The following OCA2 variants were observed in gnomAD, a reference collection of about 807,000 sequenced individuals.
The protein encoded by OCA2 is P protein.
In OCA2, 77 loss-of-function variants were observed where a neutral mutation model predicts 100.2. The ratio of observed to expected loss-of-function variants is 0.77; its 90% CI spans 0.64 to 0.93. The LOEUF (loss-of-function observed/expected upper bound fraction) is 0.93, where lower values mean the gene tolerates loss of function less well. Among genes scored for constraint, OCA2 ranks in the 40% least tolerant of loss-of-function variants. The probability of loss-of-function intolerance (pLI) is 0.00; values close to 1 mark genes in which losing one functional copy is unlikely to be tolerated. For missense variants in OCA2, 1,062 were observed against 1,089.1 expected, an observed-to-expected ratio of 0.98 and a Z score of 0.35; for synonymous variants, 432 against 439.2, an observed-to-expected ratio of 0.98 and a Z score of 0.21.
chr15:27,933,554 C>T (rs1038889917), intron 18 of OCA2, among the ~76,000 whole-genome samples: 2 of 152,036 alleles, frequency 1.3e-5, no homozygotes, highest in African/African-American at 2.4e-5. Flanking sequence ...GAGCTGAGTT[C>T]GAAAAGAGAG....
chr15:27,755,117 C>T lies in OCA2; in HGVS notation c.*271G>A, dbSNP rs151210258. On this transcript the variant is annotated 3_prime_UTR_variant, in exon 24 of 24. Coordinates refer to ENST00000354638, the MANE Select transcript of OCA2 (RefSeq NM_000275.3). The stretch of plus-strand genomic sequence containing the variant: ...ATAGCAGGAAGGGTTTTTAAACATA[C>T]GTATTTTTCTGGAGGGGAATCTTGA... 6.6e-4 allele frequency: 284 copies of T among 427,592 alleles called. 1 individual carries two copies. The East Asian group carries it at 0.012, about 19-fold the overall frequency. The allele number at this position is 427,592 out of a possible 1,614,324, so 26.5% of individuals were successfully genotyped here. A position where few individuals can be genotyped will look rare whatever the true frequency, so the allele number is the denominator to read the frequency against.
chr15:27,786,082 G>A (rs569538375), intron 23 of OCA2, among the ~76,000 whole-genome samples: 2 of 152,250 alleles, frequency 1.3e-5, no homozygotes, highest in African/African-American at 2.4e-5. Flanking sequence ...CTTCATGTAT[G>A]TTGAAATCCA....
In OCA2 at chr15:27,755,055, C is replaced by T. The variant is rs536434378; in HGVS notation, c.*333G>A. On this transcript the variant is annotated 3_prime_UTR_variant, in exon 24 of 24. Transcript: ENST00000354638. ...CAGGAGAATTGACAGTTAAACAGTA[C>T]AGTCAATTTTAGGTGGATGTGTGTC... is the stretch of plus-strand genomic sequence containing the variant. 63 of 339,410 alleles carry T rather than the reference C, an allele frequency of 1.9e-4. No individual in the cohort carries two copies. Among genetic ancestry groups the T allele is most frequent in the South Asian group, 1.6e-3 (63 of 38,324 alleles). 21.0% of individuals were successfully genotyped at this position (339,410 alleles called of 1,614,324 possible).
intron 21 of OCA2, among the ~76,000 whole-genome samples, chr15:27,870,033 T>C (rs1219249651): frequency 6.6e-6 from 1 of 152,174 alleles, no homozygotes; most frequent in Non-Finnish European, 1.5e-5. Flanking sequence ...AGGGCCAACC[T>C]AGGCAGAAAC....
intron 11 of OCA2, among the ~76,000 whole-genome samples, chr15:27,989,339 TAACTC>T (rs972875110): frequency 2.0e-5 from 3 of 152,252 alleles, no homozygotes; most frequent in Admixed American, 6.5e-5. Context: ...TTAACGGAAA[TAACTC>T]AAAAGAATTG....
intron 2 of OCA2, among the ~76,000 whole-genome samples, chr15:28,056,612 G>T (rs1459152656): frequency 6.6e-6 from 1 of 152,238 alleles, no homozygotes; most frequent in Non-Finnish European, 1.5e-5. Flanking sequence ...AAACTGAGTC[G>T]TTAGGAAAGC....
At chr15:28,011,094 G>A (rs2042227118) in intron 9 of OCA2, among the ~76,000 whole-genome samples, 1 of 152,180 alleles carries the variant, frequency 6.6e-6, no homozygotes, top group East Asian at 1.9e-4. Flanking sequence ...TAGTCTTGTC[G>A]ATAAATGATG....
chr15:27,834,061 C>T (rs1413212934), intron 23 of OCA2, among the ~76,000 whole-genome samples: 2 of 152,092 alleles, frequency 1.3e-5, no homozygotes, highest in African/African-American at 2.4e-5. Flanking sequence ...CTCTTGGGGG[C>T]CCTAGATGGC....
At chr15:27,968,009 G>A (rs2040634486) in intron 14 of OCA2, among the ~76,000 whole-genome samples, 1 of 151,956 alleles carries the variant, frequency 6.6e-6, no homozygotes, top group South Asian at 2.1e-4. Flanking sequence ...TTTCACTGGC[G>A]TCCTGGAATA....
chr15:27,926,105 G>A, intron 19 of OCA2, 22 bp downstream of exon 19: 1 of 1,613,742 alleles, frequency 6.2e-7, no homozygotes, highest in Non-Finnish European at 8.5e-7. Flanking sequence ...AATGCCATAT[G>A]GCAAAAGTTC....
intron 23 of OCA2, among the ~76,000 whole-genome samples, chr15:27,798,943 AC>A (rs1255429568): frequency 2.0e-5 from 3 of 152,218 alleles, no homozygotes; most frequent in Non-Finnish European, 4.4e-5. Flanking sequence ...TTCCTTGAGC[AC>A]AACCCAGATG....
chr15:27,987,796 C>T (rs1331910360), intron 11 of OCA2, among the ~76,000 whole-genome samples: 2 of 152,086 alleles, frequency 1.3e-5, no homozygotes, highest in African/African-American at 4.8e-5. Flanking sequence ...TCTCACCTTA[C>T]CTGTGAATGT....
At chr15:28,005,850 A>G (rs189445404) in intron 9 of OCA2, among the ~76,000 whole-genome samples, 1 of 152,306 alleles carries the variant, frequency 6.6e-6, no homozygotes, top group African/African-American at 2.4e-5. Context: ...CAGAATCAAC[A>G]TAGATGATGA....
At chr15:27,922,206 T>G (rs752372958) in intron 19 of OCA2, among the ~76,000 whole-genome samples, 2 of 152,232 alleles carry the variant, frequency 1.3e-5, no homozygotes, top group African/African-American at 2.4e-5. Context: ...TCTGCTTCTT[T>G]AGAGCACTTC....
At chr15:27,812,798 C>T (rs1002006020) in intron 23 of OCA2, among the ~76,000 whole-genome samples, 4 of 152,286 alleles carry the variant, frequency 2.6e-5, no homozygotes, top group Admixed American at 2.6e-4. Context: ...CTGTCTCTTA[C>T]TGCGACTTCA....
At chr15:27,994,497 C>T (rs1036859077) in intron 9 of OCA2, among the ~76,000 whole-genome samples, 14 of 152,198 alleles carry the variant, frequency 9.2e-5, no homozygotes, top group African/African-American at 2.7e-4. Context: ...AGGCACAGAA[C>T]GCACCACCTA....
intron 23 of OCA2, among the ~76,000 whole-genome samples, chr15:27,805,766 C>T (rs985772365): frequency 1.3e-5 from 2 of 152,154 alleles, no homozygotes; most frequent in South Asian, 4.1e-4. Context: ...AGACCCTCCG[C>T]GCCCCCCACA....
intron 23 of OCA2, among the ~76,000 whole-genome samples, chr15:27,762,336 C>T (rs2030906309): frequency 6.6e-6 from 1 of 152,158 alleles, no homozygotes; most frequent in Non-Finnish European, 1.5e-5. Flanking sequence ...TCTGAAGAAA[C>T]TGAGATAAGC....
intron 9 of OCA2, among the ~76,000 whole-genome samples, chr15:28,011,301 C>A (rs1263723679): frequency 6.6e-6 from 1 of 151,786 alleles, no homozygotes; most frequent in African/African-American, 2.4e-5. Context: ...CCTGATTCTA[C>A]AAAAAAAATT....
Sources: gnomAD v4.1 joint callset for allele counts (sites outside exome capture counted in the v4.1 genomes callset) on GRCh38, gnomAD v4.1.1 for gene constraint, MANE v1.5 for transcripts, NCBI Gene and HGNC (gene_info 2026-07-23, HGNC 2026-07-21) for gene names.